ABCA12: variants seen among roughly 807,000 people sequenced by gnomAD.
The protein encoded by ABCA12 is ATP binding cassette subfamily A member 12, also known as glucosylceramide transporter ABCA12.
A neutral mutation model predicts 293.5 loss-of-function variants in ABCA12; 156 were observed. The observed-to-expected ratio is 0.53, with a 90% CI of 0.47 to 0.61. The LOEUF (loss-of-function observed/expected upper bound fraction) is 0.61. ABCA12 is among the 20% of genes least tolerant of loss of function. The pLI, the probability that ABCA12 is intolerant of heterozygous loss-of-function variation, is 0.00. For synonymous variants in ABCA12, 1,063 were observed against 1,108.0 expected, an observed-to-expected ratio of 0.96 and a Z score of 0.81; for missense variants, 2,797 against 3,090.2, an observed-to-expected ratio of 0.91 and a Z score of 2.25.
At chr2:215,066,277 A>G (rs1701638896) in intron 2 of ABCA12, among the ~76,000 whole-genome samples, 2 of 152,108 alleles carry the variant, frequency 1.3e-5, no homozygotes, top group African/African-American at 2.4e-5. Context: ...CTCTCTGTCA[A>G]ACACATGGAG....
intron 35 of ABCA12, among the ~76,000 whole-genome samples, chr2:214,974,521 C>T (rs1320445335): frequency 6.6e-6 from 1 of 151,800 alleles, no homozygotes; most frequent in Admixed American, 6.6e-5. Flanking sequence ...GATTAATAAT[C>T]CACAAGATTG....
intron 2 of ABCA12, among the ~76,000 whole-genome samples, chr2:215,092,246 G>A (rs1400555748): frequency 2.0e-5 from 3 of 152,072 alleles, no homozygotes; most frequent in Non-Finnish European, 4.4e-5. Context: ...TTGATGGCCA[G>A]GCTGCTAGAC....
At chr2:215,040,264 AAAGGC>A (rs1447778874) in intron 7 of ABCA12, among the ~76,000 whole-genome samples, 1 of 152,208 alleles carries the variant, frequency 6.6e-6, no homozygotes, top group African/African-American at 2.4e-5. Flanking sequence ...ATTCTATCAA[AAAGGC>A]AAACTATACA....
chr2:215,127,334 C>T (rs539560214), intron 1 of ABCA12, among the ~76,000 whole-genome samples: 2 of 152,196 alleles, frequency 1.3e-5, no homozygotes, highest in South Asian at 2.1e-4. Context: ...TAGTCTAATC[C>T]TTTGTTTCTT....
intron 2 of ABCA12, among the ~76,000 whole-genome samples, chr2:215,099,086 G>A (rs1207711908): frequency 6.6e-6 from 1 of 152,210 alleles, no homozygotes; most frequent in Non-Finnish European, 1.5e-5. Flanking sequence ...ATAGAATGTG[G>A]CAGTGTGATG....
Position 214,978,299 on chromosome 2 carries a change from C to G in ABCA12, c.5128+17G>C, listed in dbSNP as rs777913976. ...CATCCATTGGAATTAAACAAAATAT[C>G]CACATTAGATTCATACCATCTCTGT... On this transcript the variant is annotated intron_variant, in intron 33 of 52. Coordinates refer to ENST00000272895, the MANE Select transcript of ABCA12 (RefSeq NM_173076.3). 9 of 1,613,608 alleles carry G rather than the reference C, an allele frequency of 5.6e-6. No homozygotes were observed. In the East Asian group the frequency reaches 2.0e-4, roughly 36 times the overall value.
intron 36 of ABCA12, among the ~76,000 whole-genome samples, chr2:214,973,032 C>G (rs932391606): frequency 6.6e-6 from 1 of 151,848 alleles, no homozygotes; most frequent in Non-Finnish European, 1.5e-5. Context: ...ACCATGTTGC[C>G]AAGGCTGGTC....
chr2:214,967,503 G>C (rs1699291125), intron 38 of ABCA12, among the ~76,000 whole-genome samples: 1 of 152,034 alleles, frequency 6.6e-6, no homozygotes, highest in African/African-American at 2.4e-5. Flanking sequence ...ATATACTGGT[G>C]AACCTCAATT....
chr2:215,043,015 C>T (rs1701130509), intron 7 of ABCA12, among the ~76,000 whole-genome samples: 1 of 152,130 alleles, frequency 6.6e-6, no homozygotes, highest in South Asian at 2.1e-4. Context: ...GGCCATTCTA[C>T]TTTACATTCC....
At chr2:214,955,786 T>G (rs1021592330) in intron 42 of ABCA12, among the ~76,000 whole-genome samples, 3 of 152,220 alleles carry the variant, frequency 2.0e-5, no homozygotes, top group Non-Finnish European at 4.4e-5. Context: ...CTTTCATTCC[T>G]TTTTGACAAA....
chr2:215,005,026 T>A, intron 19 of ABCA12, among the ~76,000 whole-genome samples: 1 of 152,236 alleles, frequency 6.6e-6, no homozygotes, highest in East Asian at 1.9e-4. Flanking sequence ...ACATAACTTC[T>A]ATCACTCTAG....
intron 2 of ABCA12, among the ~76,000 whole-genome samples, chr2:215,097,484 C>T (rs115819343): frequency 0.018 from 2,785 of 152,138 alleles, 104 homozygotes; most frequent in African/African-American, 0.064. Context: ...CCACATGATG[C>T]TATAATAAAT....
intron 2 of ABCA12, among the ~76,000 whole-genome samples, chr2:215,103,178 T>C (rs747152649): frequency 3.3e-4 from 50 of 151,986 alleles, no homozygotes; most frequent in Non-Finnish European, 6.9e-4. Flanking sequence ...TCTTAATTAG[T>C]GCTTAATAGA....
chr2:215,099,943 C>T (rs1270773385), intron 2 of ABCA12, among the ~76,000 whole-genome samples: 6 of 151,860 alleles, frequency 4.0e-5, no homozygotes, highest in Admixed American at 3.3e-4. Flanking sequence ...TCCATTACTA[C>T]AGGATAAAAT....
At position 214,934,164 on chromosome 2, in the gene ABCA12, C is replaced by T; in HGVS notation, c.7594G>A (p.Val2532Ile). The T allele has an allele frequency of 1.2e-6, 2 of 1,613,748 alleles. No homozygotes were observed. Among genetic ancestry groups the T allele is most frequent in the Non-Finnish European group, 8.5e-7 (1 of 1,179,792 alleles). ...EYHVPVTAGG[V>I]ANIFDLLETN... is the part of the protein sequence containing the mutation. ...TCCAGCAGATCAAAAATGTTTGCGA[C>T]TCCTCCTGCTGTGACTGGTACATGA... The change falls in exon 52 of 53, where the codon GTC becomes ATC. Residue 2532 changes from valine to isoleucine, a missense_variant. Coordinates refer to ENST00000272895, the MANE Select transcript of ABCA12 (RefSeq NM_173076.3).
At chr2:215,130,819 A>T (rs979138263) in intron 1 of ABCA12, among the ~76,000 whole-genome samples, 3 of 152,034 alleles carry the variant, frequency 2.0e-5, no homozygotes, top group Non-Finnish European at 2.9e-5. Flanking sequence ...GTCTTGTTCC[A>T]ATTCTTAGGG....
At chr2:215,119,904 C>G (rs1702769575) in intron 1 of ABCA12, among the ~76,000 whole-genome samples, 1 of 152,058 alleles carries the variant, frequency 6.6e-6, no homozygotes. Context: ...TACCATTTAA[C>G]CCTGCAATCC....
At chr2:215,130,952 C>T (rs186500667) in intron 1 of ABCA12, among the ~76,000 whole-genome samples, 13 of 150,610 alleles carry the variant, frequency 8.6e-5, no homozygotes, top group East Asian at 5.8e-4. Flanking sequence ...TTTTTAATCA[C>T]GAAAGGATGT....
chr2:215,129,939 T>C (rs780590313), intron 1 of ABCA12, among the ~76,000 whole-genome samples: 1 of 151,822 alleles, frequency 6.6e-6, no homozygotes, highest in Admixed American at 6.5e-5. Flanking sequence ...TTCATTCTTC[T>C]GCATATGGCT....
Sources: gnomAD v4.1 joint callset for allele counts (sites outside exome capture counted in the v4.1 genomes callset) on GRCh38, gnomAD v4.1.1 for gene constraint, MANE v1.5 for transcripts, NCBI Gene and HGNC (gene_info 2026-07-23, HGNC 2026-07-21) for gene names.